The following MAU2 variants were observed in gnomAD, a reference collection of about 807,000 sequenced individuals.
MAU2 encodes MAU2 sister chromatid cohesion factor.
A neutral mutation model predicts 89.1 loss-of-function variants in MAU2; 9 were observed. The ratio of observed to expected loss-of-function variants is 0.10; its 90% confidence interval spans 0.06 to 0.18. The LOEUF is 0.18. Ranked by LOEUF, MAU2 falls within the 10% of genes least tolerant of loss-of-function variation. The probability of loss-of-function intolerance (pLI) is 1.00; values close to 1 mark genes in which losing one functional copy is unlikely to be tolerated. For missense variants in MAU2, 425 were observed against 803.5 expected (o/e 0.53, Z 5.69); for synonymous variants, 357 against 343.4 (o/e 1.04, Z -0.44).
intron 1 of MAU2, among the ~76,000 whole-genome samples, chr19:19,325,474 C>T (rs1339980714): frequency 6.6e-6 from 1 of 151,654 alleles, no homozygotes; most frequent in Non-Finnish European, 1.5e-5. Flanking sequence ...CCACACCCAG[C>T]CTATTTTATT....
chr19:19,343,932 C>T lies in MAU2; in HGVS notation c.1069C>T (p.Leu357=). 1 of 1,612,042 alleles carries T rather than the reference C, an allele frequency of 6.2e-7. No homozygotes were observed. Among genetic ancestry groups the T allele is most frequent in the Non-Finnish European group, 8.5e-7 (1 of 1,179,880 alleles). The part of the protein sequence containing the change: ...RLVTGHKATA[L]QEISQVCQLC... ...TGTCACGGGTCACAAGGCCACGGCGCTGCAGGAGGTAAGGCTGGAAGCAGG... is the reference window on the plus strand; with the variant it reads ...TGTCACGGGTCACAAGGCCACGGCGTTGCAGGAGGTAAGGCTGGAAGCAGG... Residue 357 remains leucine, a synonymous_variant, in exon 10 of 19, where the codon CTG becomes TTG. Transcript: ENST00000262815.
intron 10 of MAU2, 122 bp from the exon 11 acceptor site, chr19:19,344,727 G>T: frequency 1.4e-6 from 1 of 735,520 alleles, no homozygotes; most frequent in Non-Finnish European, 2.4e-6. Context: ...CTGGGGCTTT[G>T]TACCCCAGTT....
intron 7 of MAU2, among the ~76,000 whole-genome samples, chr19:19,341,995 G>GGTTGCCCAGTTCGTCCATCCATACCCATC (rs2061652403): frequency 2.6e-5 from 4 of 152,180 alleles, no homozygotes; most frequent in Non-Finnish European, 4.4e-5. Context: ...TTGGTAAGGG[G>GGTTGCCCAGTTCGTCCATCCATACCCATC]GTTGCCCAGT....
intron 1 of MAU2, among the ~76,000 whole-genome samples, chr19:19,331,742 CA>C (rs796811451): frequency 4.2e-5 from 6 of 143,266 alleles, no homozygotes; most frequent in African/African-American, 5.1e-5. Context: ...CCTGTCTCTA[CA>C]AAAAAAAAAG....
At chr19:19,326,577 T>C (rs1222183727) in intron 1 of MAU2, among the ~76,000 whole-genome samples, 1 of 150,816 alleles carries the variant, frequency 6.6e-6, no homozygotes, top group East Asian at 1.9e-4. Flanking sequence ...TCCCAGCTAC[T>C]CGGGAGGCTG....
chr19:19,344,867 C>G lies in MAU2; in HGVS notation c.1096C>G (p.Leu366Val). The change falls in exon 11 of 19, where the codon CTG becomes GTG. Residue 366 changes from leucine (L) to valine (V), a missense_variant. Physicochemically the swap from Leu to Val is conservative, Grantham distance 32. This residue lies in a region of MAU2 where 39 missense variants were observed against 56.3 expected (regional missense o/e 0.69). Transcript: ENST00000262815. ...ALQEISQVCQLCQQSPRLFSN... is the reference protein window; with the variant it reads ...ALQEISQVCQVCQQSPRLFSN... ...CCGGCAGATCTCCCAGGTCTGCCAG[C>G]TGTGCCAGCAGTCCCCCCGGCTCTT... The G allele has an allele frequency of 6.2e-7, 1 of 1,613,632 alleles. No homozygotes were observed. The highest frequency in any genetic ancestry group is 8.5e-7 in the Non-Finnish European group (1 of 1,179,964).
chr19:19,320,991 C>T lies in MAU2; in HGVS notation c.132C>T (p.Ile44=). 5.6e-6 allele frequency: 9 copies of T among 1,609,626 alleles called. No homozygotes were observed. The South Asian group carries it at 1.0e-4, about 18-fold the overall frequency. Residue 44 remains isoleucine, a synonymous_variant, in exon 1 of 19, where the codon ATC becomes ATT. Coordinates refer to ENST00000262815, the MANE Select transcript of MAU2 (RefSeq NM_015329.4). ...EHFRTSSPPK[I]RLCVHCLQAV... ...TCCGCACTTCCAGCCCGCCCAAAAT[C>T]CGCCTGTGCGTGCACTGCCTGCAGG...
intron 1 of MAU2, among the ~76,000 whole-genome samples, chr19:19,322,843 G>A (rs934674438): frequency 2.6e-5 from 4 of 152,008 alleles, no homozygotes; most frequent in African/African-American, 9.7e-5. Context: ...TCAAATCTTT[G>A]TTTCACAGAC....
chr19:19,335,714 T>G lies in MAU2; in HGVS notation c.277-4T>G, dbSNP rs775511944. 1.2e-6 allele frequency: 2 copies of G among 1,614,218 alleles called. No homozygotes were observed. Among genetic ancestry groups the G allele is most frequent in the South Asian group, 1.1e-5 (1 of 91,088 alleles). The stretch of plus-strand genomic sequence containing the variant: ...AATTAATCGTTGTTTTCTTTCTTTT[T>G]CAGTGGTTGATATCACAGCAAGTAT... On this transcript the variant is annotated splice_region_variant and splice_polypyrimidine_tract_variant and intron_variant, in intron 1 of 18. Transcript: ENST00000262815.
At chr19:19,342,373 A>AT (rs933664380) in intron 7 of MAU2, among the ~76,000 whole-genome samples, 162 bp from the exon 8 acceptor site, 32 of 152,250 alleles carry the variant, frequency 2.1e-4, no homozygotes, top group African/African-American at 7.7e-4. Context: ...AGCCTGGCTG[A>AT]TTCATGGGAG....
In MAU2 at chr19:19,341,315, G is replaced by A. The variant is rs757904070; in HGVS notation, c.643G>A (p.Val215Met). The change falls in exon 7 of 19, where the codon GTG (valine) becomes ATG (methionine). Residue 215 changes from valine to methionine, a missense_variant. Transcript: ENST00000262815. ...HPLLTLCGQI[V>M]ENWQGNPIQK... ...GCTGCTGACCCTCTGCGGGCAGATC[G>A]TGGAGAACTGGCAGGGGAACCCCAT... The A allele has an allele frequency of 6.2e-7, 1 of 1,613,490 alleles. No individual in the cohort carries two copies. Among genetic ancestry groups the A allele is most frequent in the Admixed American group, 1.7e-5 (1 of 60,018 alleles).
intron 1 of MAU2, among the ~76,000 whole-genome samples, chr19:19,327,730 C>T (rs2061523074): frequency 6.6e-6 from 1 of 151,900 alleles, no homozygotes; most frequent in Admixed American, 6.6e-5. Context: ...TGACTCTTGC[C>T]TCTGTAGGGC....
chr19:19,324,367 A>T (rs2146649421), intron 1 of MAU2, among the ~76,000 whole-genome samples: 1 of 152,304 alleles, frequency 6.6e-6, no homozygotes, highest in African/African-American at 2.4e-5. Flanking sequence ...CTCCAGGGTC[A>T]TGATGAGGCT....
chr19:19,354,584 G>A (rs1427433961), intron 17 of MAU2, 139 bp downstream of exon 17: 1 of 733,808 alleles, frequency 1.4e-6, no homozygotes, highest in Non-Finnish European at 2.3e-6. Flanking sequence ...ATGGGTAGGG[G>A]GTGCTCCTCA....
chr19:19,352,189 T>C (rs1462468116), intron 16 of MAU2: 1 of 152,080 alleles, frequency 6.6e-6, no homozygotes, highest in Non-Finnish European at 1.5e-5. Flanking sequence ...GAAGCTTTTT[T>C]TTTTTTCTTA....
At chr19:19,340,654 TAAATAA>T (rs918409023) in intron 5 of MAU2, among the ~76,000 whole-genome samples, 186 bp from the exon 6 acceptor site, 9 of 151,852 alleles carry the variant, frequency 5.9e-5, no homozygotes, top group Non-Finnish European at 8.8e-5. Context: ...AATAAATAAA[TAAATAA>T]AAATAAAAAT....
intron 6 of MAU2, 55 bp downstream of exon 6, chr19:19,340,928 G>A: frequency 6.2e-7 from 1 of 1,606,826 alleles, no homozygotes; most frequent in Admixed American, 1.7e-5. Flanking sequence ...GGTGAGGCAG[G>A]GCCCCCACAG....
At chr19:19,329,709 C>T (rs940945905) in intron 1 of MAU2, among the ~76,000 whole-genome samples, 11 of 151,892 alleles carry the variant, frequency 7.2e-5, no homozygotes, top group Admixed American at 5.9e-4. Context: ...CATGGTGGCT[C>T]ATGCCTGTTA....
chr19:19,339,425 G>A lies in MAU2; in HGVS notation c.551+486G>A, dbSNP rs189919665. 2.0e-4 allele frequency among the ~76,000 whole-genome samples: 31 copies of A among 151,382 alleles called. No individual in the cohort carries two copies. The East Asian group carries it at 4.7e-3, about 23-fold the overall frequency. Reference sequence around the variant, plus strand: ...TCATGCCACTGTACTCCAGCCTGGCGACAGAGCGAGACTCCGTCTCAAAAA... The same window carrying A: ...TCATGCCACTGTACTCCAGCCTGGCAACAGAGCGAGACTCCGTCTCAAAAA... On this transcript the variant is annotated intron_variant, in intron 5 of 18. Coordinates refer to ENST00000262815, the MANE Select transcript of MAU2 (RefSeq NM_015329.4).
Sources: gnomAD v4.1 joint callset for allele counts (sites outside exome capture counted in the v4.1 genomes callset) on GRCh38, gnomAD v4.1.1 for gene constraint, gnomAD v4.1.1 regional missense constraint, MANE v1.5 for transcripts, NCBI Gene and HGNC (gene_info 2026-07-23, HGNC 2026-07-21) for gene names.